Variants in ROBO2 observed in about 807,000 individuals in gnomAD.
ROBO2 encodes the protein roundabout guidance receptor 2.
Under a neutral mutation model 160.8 loss-of-function variants are expected in ROBO2, and 53 were observed. The observed-to-expected ratio is 0.33, with a 90% CI of 0.26 to 0.41. The LOEUF (loss-of-function observed/expected upper bound fraction) is 0.41. Ranked by LOEUF, ROBO2 falls within the 10% of genes least tolerant of loss-of-function variation. The pLI, the probability that ROBO2 is intolerant of heterozygous loss-of-function variation, is 1.00. For missense variants in ROBO2, 1,577 were observed against 1,722.4 expected, an observed-to-expected ratio of 0.92 and a Z score of 1.49; for synonymous variants, 664 against 611.7, an observed-to-expected ratio of 1.09 and a Z score of -1.26.
chr3:76,925,205 C>T (rs201273397), intron 2 of ROBO2, among the ~76,000 whole-genome samples: 19 of 86,308 alleles, frequency 2.2e-4, no homozygotes, highest in African/African-American at 6.6e-4. Flanking sequence ...AGCGAGACTC[C>T]GTCTCAAAAA....
rs376865595 is a variant in ROBO2 at position 76,473,612 on chromosome 3, TGGTGA to T, written c.109+536013_109+536017del. ...CACGTAAAACTTACTATAGAAAATC[TGGTGA>T]GGCGATCATATAAGGGGATAGAGGT... On this transcript the variant is annotated intron_variant, in intron 2 of 26. Transcript: ENST00000487694. Among the ~76,000 whole-genome samples the T allele has an allele frequency of 1.7e-4, 26 of 152,258 alleles. No individual in the cohort carries two copies. In the South Asian group the frequency reaches 2.1e-3, roughly 12 times the overall value.
chr3:76,185,392 T>C (rs1407376836), intron 2 of ROBO2, among the ~76,000 whole-genome samples: 1 of 151,990 alleles, frequency 6.6e-6, no homozygotes, highest in Non-Finnish European at 1.5e-5. Context: ...TATTGGCTAC[T>C]TGATAGCATT....
intron 2 of ROBO2, among the ~76,000 whole-genome samples, chr3:77,109,192 G>T (rs1349697589): frequency 6.6e-6 from 1 of 152,192 alleles, no homozygotes; most frequent in Non-Finnish European, 1.5e-5. Context: ...CCTTCTACTG[G>T]TCGGTACTCA....
intron 5 of ROBO2, among the ~76,000 whole-genome samples, chr3:77,504,827 A>T (rs2088230933): frequency 6.6e-6 from 1 of 152,238 alleles, no homozygotes; most frequent in Non-Finnish European, 1.5e-5. Context: ...AACTATATAC[A>T]AACTATGATA....
chr3:75,943,712 G>GT (rs1039096014), intron 2 of ROBO2, among the ~76,000 whole-genome samples: 10 of 151,802 alleles, frequency 6.6e-5, no homozygotes, highest in African/African-American at 1.9e-4. Flanking sequence ...TTTGTTTTTT[G>GT]TTTTTTTGAG....
chr3:77,002,621 T>C (rs1451733245), intron 2 of ROBO2, among the ~76,000 whole-genome samples: 1 of 152,060 alleles, frequency 6.6e-6, no homozygotes, highest in Non-Finnish European at 1.5e-5. Context: ...AATATAATAA[T>C]TCATTTAAGC....
At chr3:77,572,940 C>T (rs1339223339) in intron 13 of ROBO2, among the ~76,000 whole-genome samples, 1 of 151,878 alleles carries the variant, frequency 6.6e-6, no homozygotes, top group African/African-American at 2.4e-5. Context: ...AAATGCTGAA[C>T]AAATTTCAAA....
intron 2 of ROBO2, among the ~76,000 whole-genome samples, chr3:76,271,290 A>G (rs1295520899): frequency 6.6e-6 from 1 of 152,004 alleles, no homozygotes; most frequent in Admixed American, 6.6e-5. Context: ...TAAAACAAGT[A>G]GTGGCATTAT....
chr3:76,680,478 A>G (rs1186148586), intron 2 of ROBO2, among the ~76,000 whole-genome samples: 1 of 152,010 alleles, frequency 6.6e-6, no homozygotes, highest in Non-Finnish European at 1.5e-5. Flanking sequence ...CTGATTTCAT[A>G]ATTTTAGAGT....
At chr3:77,473,440 CTTTTTTTTTTTTTTTTTTTT>C (rs71104688) in intron 2 of ROBO2, among the ~76,000 whole-genome samples, 38 of 77,936 alleles carry the variant, frequency 4.9e-4, no homozygotes, top group Admixed American at 1.7e-3. Flanking sequence ...ACAAACTGCT[CTTTTTTTTTTTTTTTTTTTT>C]TTTTTTTTTT....
intron 2 of ROBO2, among the ~76,000 whole-genome samples, chr3:76,915,664 T>A (rs2148956993): frequency 8.0e-6 from 1 of 125,662 alleles, no homozygotes; most frequent in South Asian, 2.6e-4. Flanking sequence ...AGTGAAACTC[T>A]CGCTCTCAAA....
At chr3:76,642,876 C>T (rs1372443861) in intron 2 of ROBO2, among the ~76,000 whole-genome samples, 2 of 151,902 alleles carry the variant, frequency 1.3e-5, no homozygotes, top group African/African-American at 2.4e-5. Context: ...AAAATGCGTC[C>T]ATAAGACTTT....
intron 2 of ROBO2, among the ~76,000 whole-genome samples, chr3:77,282,411 A>G (rs2060300636): frequency 6.6e-6 from 1 of 152,128 alleles, no homozygotes; most frequent in South Asian, 2.1e-4. Context: ...AAGTGACCAG[A>G]ATAATAAAAT....
intron 2 of ROBO2, among the ~76,000 whole-genome samples, chr3:76,759,313 G>A (rs1343349836): frequency 6.6e-6 from 1 of 151,692 alleles, no homozygotes; most frequent in Non-Finnish European, 1.5e-5. Context: ...CTTAGGTTTG[G>A]TTGCATAATT....
chr3:77,038,777 C>T (rs62249951), upstream of ROBO2, among the ~76,000 whole-genome samples: 1 of 152,206 alleles, frequency 6.6e-6, no homozygotes, highest in Non-Finnish European at 1.5e-5. Flanking sequence ...ATCCCCGGTC[C>T]TGAATGGCAT....
intron 2 of ROBO2, among the ~76,000 whole-genome samples, chr3:76,544,306 T>A (rs916931065): frequency 6.6e-6 from 1 of 152,014 alleles, no homozygotes; most frequent in Admixed American, 6.6e-5. Context: ...TCTTTAAAGG[T>A]TGATTTCACC....
intron 2 of ROBO2, among the ~76,000 whole-genome samples, chr3:76,157,302 CT>C (rs926712321): frequency 1.5e-4 from 22 of 151,048 alleles, no homozygotes; most frequent in East Asian, 1.2e-3. Context: ...CTATAGAGAG[CT>C]TTTTTTTTGG....
chr3:77,148,783 A>G (rs958807501), intron 2 of ROBO2, among the ~76,000 whole-genome samples: 13 of 152,352 alleles, frequency 8.5e-5, no homozygotes, highest in Middle Eastern at 3.4e-3. Context: ...ATGGTTAACA[A>G]AATAAATCTA....
At chr3:76,220,598 T>C (rs542648587) in intron 2 of ROBO2, among the ~76,000 whole-genome samples, 1 of 152,276 alleles carries the variant, frequency 6.6e-6, no homozygotes, top group Non-Finnish European at 1.5e-5. Flanking sequence ...TTAATTCCTG[T>C]TCCTTATAAA....
Sources: allele counts gnomAD v4.1 joint callset (sites outside exome capture counted in the v4.1 genomes callset), GRCh38; gene constraint gnomAD v4.1.1; transcripts MANE v1.5; gene names NCBI Gene and HGNC (gene_info 2026-07-23, HGNC 2026-07-21).